ASTN2: variants seen among roughly 807,000 people sequenced by gnomAD.
ASTN2 encodes the protein astrotactin-2.
A neutral mutation model predicts 139.8 loss-of-function variants in ASTN2; 54 were observed. That is an observed-to-expected ratio of 0.39 (90% confidence interval 0.31 to 0.48). The LOEUF (loss-of-function observed/expected upper bound fraction) is 0.48, where lower values mean the gene tolerates loss of function less well. Among genes scored for constraint, ASTN2 ranks in the 20% least tolerant of loss-of-function variants. ASTN2 has a pLI of 0.95. For missense variants in ASTN2, 1,565 were observed against 1,725.1 expected, an observed-to-expected ratio of 0.91 and a Z score of 1.64; for synonymous variants, 756 against 719.5, an observed-to-expected ratio of 1.05 and a Z score of -0.81.
chr9:116,719,718 T>G (rs1302891424), intron 16 of ASTN2, among the ~76,000 whole-genome samples: 1 of 151,864 alleles, frequency 6.6e-6, no homozygotes, highest in African/African-American at 2.4e-5. Context: ...TAAGACAGGC[T>G]CCTGTGAAAC....
chr9:116,902,174 T>A (rs1834028015), intron 10 of ASTN2, among the ~76,000 whole-genome samples: 1 of 152,218 alleles, frequency 6.6e-6, no homozygotes, highest in African/African-American at 2.4e-5. Flanking sequence ...TCCATATGTG[T>A]TACTGCCCCA....
chr9:116,721,802 A>G (rs1204016317), intron 16 of ASTN2, among the ~76,000 whole-genome samples: 1 of 152,164 alleles, frequency 6.6e-6, no homozygotes, highest in Non-Finnish European at 1.5e-5. Context: ...CTGCCTGGAG[A>G]TCTTACCAGT....
intron 13 of ASTN2, among the ~76,000 whole-genome samples, chr9:116,741,977 G>A (rs139722626): frequency 6.6e-6 from 1 of 152,194 alleles, no homozygotes; most frequent in Non-Finnish European, 1.5e-5. Flanking sequence ...AATATTTACT[G>A]TTATTTGTCA....
At chr9:116,936,213 C>T (rs1835075830) in intron 10 of ASTN2, among the ~76,000 whole-genome samples, 2 of 134,758 alleles carry the variant, frequency 1.5e-5, no homozygotes, top group South Asian at 5.5e-4. Context: ...TCACCATCAC[C>T]ACCACCACCA....
intron 2 of ASTN2, among the ~76,000 whole-genome samples, chr9:117,233,133 C>T (rs1222715527): frequency 6.6e-6 from 1 of 152,130 alleles, no homozygotes; most frequent in African/African-American, 2.4e-5. Context: ...GGCTCTGTGT[C>T]CTTCTGAGGG....
intron 3 of ASTN2, among the ~76,000 whole-genome samples, chr9:117,178,548 C>A (rs142232410): frequency 6.6e-6 from 1 of 152,160 alleles, no homozygotes; most frequent in Admixed American, 6.5e-5. Context: ...CCCAACATCC[C>A]TCACTAACTG....
At chr9:116,803,522 ATT>A (rs1158429877) in intron 13 of ASTN2, among the ~76,000 whole-genome samples, 89 of 20,870 alleles carry the variant, frequency 4.3e-3, no homozygotes, top group Middle Eastern at 0.031. Context: ...ATATATATAT[ATT>A]TTTTTTTTTT....
At chr9:116,627,556 A>G (rs563127172) in intron 17 of ASTN2, among the ~76,000 whole-genome samples, 1 of 152,330 alleles carries the variant, frequency 6.6e-6, no homozygotes, top group South Asian at 2.1e-4. Flanking sequence ...AAGCACTTTA[A>G]TATACATTAT....
chr9:117,065,996 T>C (rs1220621176), intron 5 of ASTN2, among the ~76,000 whole-genome samples: 1 of 148,496 alleles, frequency 6.7e-6, no homozygotes, highest in Admixed American at 6.9e-5. Flanking sequence ...CTCTCAGAAG[T>C]ACCATCACTC....
intron 19 of ASTN2, chr9:116,613,019 A>G (rs1325012751): frequency 6.6e-6 from 1 of 152,196 alleles, no homozygotes; most frequent in Non-Finnish European, 1.5e-5. Flanking sequence ...AAATAGACGC[A>G]ATAAAAAATG....
At chr9:116,488,582 G>A (rs1283374352) in intron 19 of ASTN2, among the ~76,000 whole-genome samples, 1 of 152,128 alleles carries the variant, frequency 6.6e-6, no homozygotes, top group Non-Finnish European at 1.5e-5. Flanking sequence ...GATGCAATAG[G>A]CTATTTTATA....
At chr9:116,840,408 G>A (rs1263121243) in intron 11 of ASTN2, among the ~76,000 whole-genome samples, 3 of 150,672 alleles carry the variant, frequency 2.0e-5, no homozygotes, top group Non-Finnish European at 3.0e-5. Flanking sequence ...TCCCAGACGG[G>A]GTGGTGGCCA....
intron 1 of ASTN2, among the ~76,000 whole-genome samples, chr9:117,369,249 C>T (rs1198877241): frequency 6.6e-6 from 1 of 152,106 alleles, no homozygotes; most frequent in East Asian, 1.9e-4. Context: ...CTCCATGTAA[C>T]ATGATTATAA....
intron 19 of ASTN2, among the ~76,000 whole-genome samples, chr9:116,494,448 C>T (rs767493339): frequency 1.4e-4 from 22 of 152,220 alleles, no homozygotes; most frequent in South Asian, 4.1e-4. Flanking sequence ...TTAGTTATCA[C>T]GCTCAGTTGC....
chr9:117,234,299 G>C (rs996614046), intron 2 of ASTN2, among the ~76,000 whole-genome samples: 1 of 152,138 alleles, frequency 6.6e-6, no homozygotes, highest in Non-Finnish European at 1.5e-5. Flanking sequence ...ACTCAGCAGA[G>C]ACAATACAGA....
At position 116,511,969 on chromosome 9, in the gene ASTN2, G is replaced by T. The variant is rs1170427205; in HGVS notation, c.3356-24469C>A. 2.6e-5 allele frequency among the ~76,000 whole-genome samples: 4 copies of T among 151,906 alleles called. No homozygotes were observed. The East Asian group carries it at 7.7e-4, about 29-fold the overall frequency. ...CAAAAAACAAGCTCCTGGATTCATT[G>T]ATTTTTTGAAGGGTTTTTCGTGTCT... On this transcript the variant is annotated intron_variant, in intron 19 of 22. Coordinates refer to ENST00000313400, the MANE Select transcript of ASTN2 (RefSeq NM_001365068.1).
intron 11 of ASTN2, among the ~76,000 whole-genome samples, chr9:116,852,578 T>TG (rs1243000135): frequency 1.3e-5 from 2 of 152,124 alleles, no homozygotes; most frequent in African/African-American, 2.4e-5. Context: ...TCAAAATACC[T>TG]GGGCTAGTGG....
At chr9:116,812,169 G>A (rs939694771) in intron 12 of ASTN2, among the ~76,000 whole-genome samples, 2 of 152,118 alleles carry the variant, frequency 1.3e-5, no homozygotes, top group African/African-American at 2.4e-5. Flanking sequence ...ATATGACCTG[G>A]TTTGCTCCTT....
chr9:116,741,597 CT>C (rs1484967361), intron 13 of ASTN2, among the ~76,000 whole-genome samples: 1 of 152,202 alleles, frequency 6.6e-6, no homozygotes, highest in Non-Finnish European at 1.5e-5. Context: ...CATCTTGGCT[CT>C]GTCACTGGCT....
Sources: gnomAD v4.1 joint callset for allele counts (sites outside exome capture counted in the v4.1 genomes callset) on GRCh38, gnomAD v4.1.1 for gene constraint, MANE v1.5 for transcripts, NCBI Gene and HGNC (gene_info 2026-07-23, HGNC 2026-07-21) for gene names.